The following NUTM2G variants were observed in gnomAD, a reference collection of about 807,000 sequenced individuals.
NUTM2G encodes the protein family with sequence similarity 22, member G.
NUTM2G carries 29 observed loss-of-function variants against 44.3 expected under a neutral mutation model. The ratio of observed to expected loss-of-function variants is 0.66; its 90% CI spans 0.49 to 0.89. The LOEUF is 0.89. NUTM2G is among the 40% of genes least tolerant of loss of function. The probability of loss-of-function intolerance (pLI) is 0.00; values close to 1 mark genes in which losing one functional copy is unlikely to be tolerated. For synonymous variants in NUTM2G, 205 were observed against 395.9 expected, an observed-to-expected ratio of 0.52 and a Z score of 5.72; for missense variants, 502 against 946.5, an observed-to-expected ratio of 0.53 and a Z score of 6.16.
Position 96,936,446 on chromosome 9 carries a change from G to C in NUTM2G, c.864G>C (p.Glu288Asp), listed in dbSNP as rs752371733. Residue 288 changes from glutamate (E) to aspartate (D), a missense_variant, in exon 4 of 7, where the codon GAG becomes GAC. Transcript: ENST00000372322. ...CCAGGTTCCTGGAGTTTGAGGCTGAGGAGGAGATGCAGATTCAGAAATCGC... is the reference window on the plus strand; with the variant it reads ...CCAGGTTCCTGGAGTTTGAGGCTGACGAGGAGATGCAGATTCAGAAATCGC... ...MAAKFLEFEA[E>D]EEMQIQKSQW... is the part of the protein sequence containing the mutation. The C allele has an allele frequency of 2.1e-5, 33 of 1,575,304 alleles. 1 individual carries two copies. The highest frequency in any genetic ancestry group is 1.8e-4 in the East Asian group (8 of 43,856).
intron 4 of NUTM2G, 68 bp from the exon 5 acceptor site, chr9:96,936,996 C>T: frequency 2.2e-6 from 3 of 1,387,006 alleles, no homozygotes; most frequent in Non-Finnish European, 2.9e-6. Context: ...AAGCCCTGCC[C>T]TCCCCTGTGT....
chr9:96,936,943 G>A lies in NUTM2G; in HGVS notation c.983-121G>A, dbSNP rs568487690. ...GCGGCGTCTCCTCCGGGGCGCTGTG[G>A]TTCAGGTGGTCCTGACCCAGCTGGG... On this transcript the variant is annotated intron_variant, in intron 4 of 6. Coordinates refer to ENST00000372322, the MANE Select transcript of NUTM2G (RefSeq NM_001170741.3). 1.0e-3 allele frequency: 1,411 copies of A among 1,351,386 alleles called. 2 individuals are homozygous for A. The highest frequency in any genetic ancestry group is 1.3e-3 in the Non-Finnish European group (1,290 of 1,008,278). The allele number at this position is 1,351,386 out of a possible 1,614,324, so 83.7% of individuals were successfully genotyped here.
intron 1 of NUTM2G, among the ~76,000 whole-genome samples, chr9:96,930,869 G>A (rs1826216518): frequency 9.2e-6 from 1 of 109,088 alleles, no homozygotes; most frequent in African/African-American, 3.5e-5. Context: ...TTTCCATCCA[G>A]TGGTTTTTTT....
At position 96,938,720 on chromosome 9, in the gene NUTM2G, C is replaced by T. The variant is rs76993010; in HGVS notation, c.1797C>T (p.Leu599=). 0.025 allele frequency: 40,457 copies of T among 1,603,192 alleles called. 240 individuals are homozygous for T. The highest frequency in any genetic ancestry group is 0.055 in the Middle Eastern group (319 of 5,830). The change falls in exon 7 of 7, where the codon CTC becomes CTT. Residue 599 remains leucine, a synonymous_variant. Transcript: ENST00000372322. ...PGLGTKDALG[L]PGESPVKESH... ...TGGGGACCAAGGACGCCTTGGGTCT[C>T]CCTGGAGAGTCTCCTGTCAAGGAGT...
In NUTM2G at chr9:96,937,947, T is replaced by C. The variant is rs376748838; in HGVS notation, c.1386T>C (p.Asp462=). The change falls in exon 6 of 7, where the codon GAT becomes GAC. Residue 462 remains aspartate, a synonymous_variant. Coordinates refer to ENST00000372322, the MANE Select transcript of NUTM2G (RefSeq NM_001170741.3). ...TGCTTTCCCCAGATCCACAGATGGA[T>C]TTCTTGGCCCTAAGCCAGGAGCTGG... ...EELLSPDPQM[D]FLALSQELEQ... The C allele has an allele frequency of 8.7e-6, 14 of 1,611,942 alleles. No homozygotes were observed. The African/African-American group carries it at 1.9e-4, about 22-fold the overall frequency.
intron 1 of NUTM2G, 76 bp from the exon 2 acceptor site, chr9:96,931,646 G>T: frequency 6.4e-7 from 1 of 1,556,046 alleles, no homozygotes; most frequent in Non-Finnish European, 8.7e-7. Context: ...CAGCTGTTGG[G>T]ACTCCCCTGA....
intron 3 of NUTM2G, 40 bp downstream of exon 3, chr9:96,935,496 G>C: frequency 1.9e-6 from 3 of 1,611,924 alleles, no homozygotes; most frequent in Non-Finnish European, 2.5e-6. Flanking sequence ...GTGTGGCGGG[G>C]TGAGAGTGAA....
Position 96,931,998 on chromosome 9 carries a change from A to G in NUTM2G, c.293A>G (p.Gln98Arg), listed in dbSNP as rs760727861. 39 of 1,610,428 alleles carry G rather than the reference A, an allele frequency of 2.4e-5. No individual in the cohort carries two copies. The highest frequency in any genetic ancestry group is 3.3e-5 in the Non-Finnish European group (39 of 1,179,408). ...GGGCCTGTGAAGCCCCCTCAGGCAC[A>G]GACCTTGATCCTAACTCAGGCCCCC... ...EVGPVKPPQA[Q>R]TLILTQAPLV... is the part of the protein sequence containing the mutation. Residue 98 changes from glutamine to arginine, a missense_variant, in exon 2 of 7, where the codon CAG (glutamine) becomes CGG (arginine). By Grantham distance (43) the Gln-to-Arg change is conservative. Transcript: ENST00000372322.
At chr9:96,934,173 G>A (rs571593441) in intron 2 of NUTM2G, among the ~76,000 whole-genome samples, 2 of 152,224 alleles carry the variant, frequency 1.3e-5, no homozygotes, top group East Asian at 1.9e-4. Context: ...GTGACTGTGA[G>A]GCAGCAACAT....
At chr9:96,933,135 G>A (rs1242002904) in intron 2 of NUTM2G, among the ~76,000 whole-genome samples, 1 of 151,218 alleles carries the variant, frequency 6.6e-6, no homozygotes, top group Non-Finnish European at 1.5e-5. Flanking sequence ...CCGCCACCAT[G>A]CCCGGCTAAT....
At chr9:96,936,322 C>G (rs938385841) in intron 3 of NUTM2G, 103 bp from the exon 4 acceptor site, 1 of 1,532,176 alleles carries the variant, frequency 6.5e-7, no homozygotes, top group African/African-American at 1.4e-5. Flanking sequence ...CTAGACAGCC[C>G]GCCGGAGGCA....
intron 2 of NUTM2G, among the ~76,000 whole-genome samples, chr9:96,933,184 T>C (rs1461523199): frequency 6.7e-6 from 1 of 149,802 alleles, no homozygotes; most frequent in Non-Finnish European, 1.5e-5. Flanking sequence ...TTCACCATGT[T>C]AGCCAGGATG....
At chr9:96,937,482 C>A in intron 5 of NUTM2G, 78 bp downstream of exon 5, 2 of 1,280,098 alleles carry the variant, frequency 1.6e-6, no homozygotes, top group South Asian at 1.3e-5. Flanking sequence ...AAGCTCTGTT[C>A]CTTAGCTACT....
At chr9:96,934,523 G>A (rs1293567370) in intron 2 of NUTM2G, among the ~76,000 whole-genome samples, 2 of 152,002 alleles carry the variant, frequency 1.3e-5, no homozygotes, top group African/African-American at 2.4e-5. Context: ...GTGGGAAGCT[G>A]TGCCTGGCTG....
At chr9:96,940,914 T>C (rs201862928), downstream of NUTM2G, among the ~76,000 whole-genome samples, 8,743 of 144,634 alleles carry the variant, frequency 0.06, 54 homozygotes, top group East Asian at 0.29. Flanking sequence ...GAGTTTATCT[T>C]GGCAGGGCTT....
rs1267192896 is a variant in NUTM2G, at chr9:96,936,519, C to T, written c.937C>T (p.Leu313Phe). The change falls in exon 4 of 7, where the codon CTT becomes TTT. Residue 313 changes from leucine (L) to phenylalanine (F), a missense_variant. By Grantham distance (22) the Leu-to-Phe change is conservative (BLOSUM62 0). Transcript: ENST00000372322. ...CCTGCCTCCTCCAGCCCCGCCGAGG[C>T]TTGAACCTCGAGGACCCCCTGCCCC... ...QSLPPPAPPR[L>F]EPRGPPAPEV... 1 of 1,553,002 alleles carries T rather than the reference C, an allele frequency of 6.4e-7. No homozygotes were observed. Among genetic ancestry groups the T allele is most frequent in the Admixed American group, 1.9e-5 (1 of 52,810 alleles).
At position 96,938,688 on chromosome 9, in the gene NUTM2G, C is replaced by A. The variant is rs372113326; in HGVS notation, c.1765C>A (p.Pro589Thr). The change falls in exon 7 of 7, where the codon CCC (proline) becomes ACC (threonine). Residue 589 changes from proline to threonine, a missense_variant. Transcript: ENST00000372322. Reference sequence around the variant, plus strand: ...TCCCCAGGACCACAGACCCACCTGCCCCGGCCTGGGGACCAAGGACGCCTT... The same window carrying A: ...TCCCCAGGACCACAGACCCACCTGCACCGGCCTGGGGACCAAGGACGCCTT... ...SPPQDHRPTCPGLGTKDALGL... is the reference protein window; with the variant it reads ...SPPQDHRPTCTGLGTKDALGL... 929 of 1,605,852 alleles carry A rather than the reference C, an allele frequency of 5.8e-4. 19 individuals are homozygous for A. In the East Asian group the frequency reaches 0.012, roughly 20 times the overall value.
intron 5 of NUTM2G, 152 bp from the exon 6 acceptor site, chr9:96,937,733 T>G (rs1826485940): frequency 2.1e-6 from 2 of 965,600 alleles, no homozygotes; most frequent in African/African-American, 3.2e-5. Context: ...AGGTCTGTGG[T>G]CTGTGCGTGT....
At chr9:96,929,970 CTAT>C (rs916867465) in intron 1 of NUTM2G, among the ~76,000 whole-genome samples, 5 of 152,066 alleles carry the variant, frequency 3.3e-5, no homozygotes, top group Admixed American at 2.6e-4. Flanking sequence ...GAAGACAGTC[CTAT>C]TATTATTATT....
Sources: allele counts gnomAD v4.1 joint callset (sites outside exome capture counted in the v4.1 genomes callset), GRCh38; gene constraint gnomAD v4.1.1; transcripts MANE v1.5; gene names NCBI Gene and HGNC (gene_info 2026-07-23, HGNC 2026-07-21).